The following SLC36A1 variants were observed in gnomAD, a reference collection of about 807,000 sequenced individuals.
SLC36A1 encodes solute carrier family 36 member 1, also known as proton-coupled amino acid transporter 1.
A neutral mutation model predicts 47.5 loss-of-function variants in SLC36A1; 30 were observed. That is an observed-to-expected ratio of 0.63 (90% CI 0.47 to 0.86). The LOEUF is 0.86. Ranked by LOEUF, SLC36A1 falls within the 40% of genes least tolerant of loss-of-function variation. The probability of loss-of-function intolerance (pLI) is 0.00; values close to 1 mark genes in which losing one functional copy is unlikely to be tolerated. For missense variants in SLC36A1, 517 were observed against 606.0 expected, an observed-to-expected ratio of 0.85 and a Z score of 1.54; for synonymous variants, 255 against 249.7, an observed-to-expected ratio of 1.02 and a Z score of -0.20.
the SLC36A1 span, chr5:151,554,284 C>T: frequency 2.9e-6 from 4 of 1,364,282 alleles, no homozygotes; most frequent in South Asian, 1.4e-5. Flanking sequence ...TGGGCTGTCT[C>T]CCTCCTCCTG....
the SLC36A1 span, chr5:151,549,489 A>G: frequency 6.2e-7 from 1 of 1,614,022 alleles, no homozygotes; most frequent in African/African-American, 1.3e-5. Context: ...CTTGATAGGT[A>G]TTTCCTGGTC....
chr5:151,549,335 G>C, the SLC36A1 span: 1 of 1,613,734 alleles, frequency 6.2e-7, no homozygotes, highest in East Asian at 2.2e-5. Flanking sequence ...TGACTCCCCG[G>C]TCAGCATCCA....
At chr5:151,529,183 G>A in the SLC36A1 span, 1 of 1,613,992 alleles carries the variant, frequency 6.2e-7, no homozygotes, top group Non-Finnish European at 8.5e-7. Context: ...CTTACCGTGA[G>A]GATGACGTCA....
the SLC36A1 span, chr5:151,512,263 A>G: frequency 6.2e-7 from 1 of 1,614,082 alleles, no homozygotes; most frequent in Non-Finnish European, 8.5e-7. This position sits in a 1 kb window ranked among gnomAD's most constrained non-coding sequence, Gnocchi z 4.1. Context: ...TTGTGTCTCC[A>G]GCAAGCCTGC....
chr5:151,456,242 C>G (rs1754485305), intron 1 of SLC36A1, among the ~76,000 whole-genome samples: 1 of 152,126 alleles, frequency 6.6e-6, no homozygotes, highest in South Asian at 2.1e-4. Flanking sequence ...CTCCTGGGCC[C>G]AAGTGATCCT....
intron 7 of SLC36A1, among the ~76,000 whole-genome samples, chr5:151,473,316 T>A (rs1388776291): frequency 2.0e-5 from 3 of 152,252 alleles, no homozygotes; most frequent in Non-Finnish European, 4.4e-5. Flanking sequence ...GTTACTTTAT[T>A]AAACAGCTTT....
chr5:151,372,401 G>A, the SLC36A1 span, among the ~76,000 whole-genome samples: 1 of 151,926 alleles, frequency 6.6e-6, no homozygotes, highest in African/African-American at 2.4e-5. Flanking sequence ...AAATGGAAAT[G>A]TGAGTAATAA....
chr5:151,397,416 C>A, the SLC36A1 span, among the ~76,000 whole-genome samples: 1 of 152,238 alleles, frequency 6.6e-6, no homozygotes, highest in African/African-American at 2.4e-5. Context: ...AAGCTGCTAG[C>A]CACTCTATAG....
the SLC36A1 span, among the ~76,000 whole-genome samples, chr5:151,536,393 C>T: frequency 6.6e-6 from 1 of 152,148 alleles, no homozygotes; most frequent in East Asian, 1.9e-4. Context: ...ACCCTTCTCC[C>T]CTGCCACCCC....
At chr5:151,381,779 T>TG in the SLC36A1 span, among the ~76,000 whole-genome samples, 1 of 152,206 alleles carries the variant, frequency 6.6e-6, no homozygotes, top group Non-Finnish European at 1.5e-5. Context: ...TCAGCACTCC[T>TG]GGCTCACTGG....
chr5:151,539,067 T>G, the SLC36A1 span, among the ~76,000 whole-genome samples: 1 of 152,088 alleles, frequency 6.6e-6, no homozygotes, highest in Non-Finnish European at 1.5e-5. Context: ...GAGCCTGATC[T>G]CAGCCTCTCC....
At chr5:151,360,335 C>T in the SLC36A1 span, among the ~76,000 whole-genome samples, 1 of 152,110 alleles carries the variant, frequency 6.6e-6, no homozygotes, top group Non-Finnish European at 1.5e-5. Flanking sequence ...ATTATATATG[C>T]TGTATTCTTA....
the SLC36A1 span, chr5:151,412,662 GT>G: frequency 6.9e-6 from 1 of 144,442 alleles, no homozygotes; most frequent in Admixed American, 6.8e-5. Flanking sequence ...TGTGAACACT[GT>G]GTAGATGTGA....
intron 9 of SLC36A1, chr5:151,476,968 G>C (rs1489067394): frequency 2.7e-5 from 19 of 693,608 alleles, no homozygotes; most frequent in Non-Finnish European, 4.7e-5. Context: ...CATTGGTGCT[G>C]ATCAGCCGAT....
chr5:151,536,496 C>T, the SLC36A1 span, among the ~76,000 whole-genome samples: 1 of 152,094 alleles, frequency 6.6e-6, no homozygotes, highest in African/African-American at 2.4e-5. Flanking sequence ...CTGTGCTGCC[C>T]ATCTCCACAC....
intron 10 of SLC36A1, among the ~76,000 whole-genome samples, chr5:151,482,569 A>G (rs165361): frequency 0.15 from 22,354 of 152,222 alleles, 2,002 homozygotes; most frequent in Non-Finnish European, 0.21. Context: ...CCTTGTAAAA[A>G]TAGTTGCAAT....
At chr5:151,364,433 TTCA>T in the SLC36A1 span, among the ~76,000 whole-genome samples, 67 of 152,342 alleles carry the variant, frequency 4.4e-4, 2 homozygotes, top group African/African-American at 1.6e-3. Context: ...ATTTTAGATT[TTCA>T]TCATCAATGC....
the SLC36A1 span, among the ~76,000 whole-genome samples, chr5:151,374,005 C>T: frequency 9.9e-5 from 15 of 152,114 alleles, no homozygotes; most frequent in Non-Finnish European, 1.3e-4. Context: ...AGATTCTCCC[C>T]GGGGCCTGAA....
At chr5:151,531,208 G>C in the SLC36A1 span, among the ~76,000 whole-genome samples, 2 of 152,164 alleles carry the variant, frequency 1.3e-5, no homozygotes, top group African/African-American at 4.8e-5. The surrounding 1 kb of genome is among the most constrained non-coding windows in gnomAD (Gnocchi z 5.7). Context: ...CCTTGTCCAG[G>C]GTTGCTTAAG....
Sources: allele counts gnomAD v4.1 joint callset (sites outside exome capture counted in the v4.1 genomes callset), GRCh38; gene constraint gnomAD v4.1.1; non-coding constraint Gnocchi (gnomAD v3.1); transcripts MANE v1.5; gene names NCBI Gene and HGNC (gene_info 2026-07-23, HGNC 2026-07-21).